The following EDA variants were observed in gnomAD, a reference collection of about 807,000 sequenced individuals.
EDA encodes ectodysplasin-A.
EDA carries 2 observed loss-of-function variants against 23.6 expected under a neutral mutation model. That is an observed-to-expected ratio of 0.08 (90% CI 0.03 to 0.27). The LOEUF (loss-of-function observed/expected upper bound fraction) is 0.27, where lower values mean the gene tolerates loss of function less well. EDA is among the 10% of genes least tolerant of loss of function. The pLI is 1.00. For synonymous variants in EDA, 131 were observed against 132.0 expected, an observed-to-expected ratio of 0.99 and a Z score of 0.05; for missense variants, 229 against 324.2, an observed-to-expected ratio of 0.71 and a Z score of 2.26.
intron 2 of EDA, among the ~76,000 whole-genome samples, chrX:69,997,213 A>T (rs927745661): frequency 8.9e-6 from 1 of 112,344 alleles, no homozygotes; most frequent in African/African-American, 3.2e-5. Flanking sequence ...GTTTTGACAA[A>T]AATGCTGATA....
At chrX:69,976,815 G>C (rs1350040757) in intron 2 of EDA, among the ~76,000 whole-genome samples, 1 of 111,166 alleles carries the variant, frequency 9.0e-6, no homozygotes, top group Non-Finnish European at 1.9e-5. Context: ...TTATGTGCTA[G>C]ATCTTGAAAC....
chrX:69,922,215 C>T (rs941322200), intron 1 of EDA, among the ~76,000 whole-genome samples: 7 of 112,375 alleles, frequency 6.2e-5, no homozygotes, highest in African/African-American at 2.3e-4. Context: ...TATTAAGTGA[C>T]ATCTTGGTTG....
intron 1 of EDA, among the ~76,000 whole-genome samples, chrX:69,853,086 C>T (rs921892224): frequency 2.2e-4 from 25 of 111,424 alleles, no homozygotes; most frequent in African/African-American, 7.8e-4. Context: ...AAATAGCAAA[C>T]TACAGGAGCA....
chrX:69,988,657 A>C (rs1288728130), intron 2 of EDA, among the ~76,000 whole-genome samples: 1 of 111,554 alleles, frequency 9.0e-6, no homozygotes, highest in East Asian at 2.8e-4. Context: ...GGGATTCGAG[A>C]CCAGCCTGGC....
At chrX:70,010,141 T>C (rs770475538) in intron 2 of EDA, among the ~76,000 whole-genome samples, 30 of 111,976 alleles carry the variant, frequency 2.7e-4, no homozygotes, top group Admixed American at 2.8e-4. Flanking sequence ...TGATTGATGG[T>C]ACTATTCAGC....
At chrX:69,674,668 C>A (rs1487236916) in intron 1 of EDA, among the ~76,000 whole-genome samples, 1 of 111,715 alleles carries the variant, frequency 9.0e-6, no homozygotes, top group Non-Finnish European at 1.9e-5. Context: ...GAATTGAATA[C>A]CTTTTGCCTT....
intron 1 of EDA, among the ~76,000 whole-genome samples, chrX:69,845,385 C>T (rs933144148): frequency 1.8e-5 from 2 of 111,813 alleles, no homozygotes; most frequent in African/African-American, 6.5e-5. Context: ...AGTTATTCTT[C>T]TCTTTGACAT....
At chrX:69,734,518 G>T (rs1239421165) in intron 1 of EDA, among the ~76,000 whole-genome samples, 10 of 111,498 alleles carry the variant, frequency 9.0e-5, no homozygotes, top group Non-Finnish European at 1.9e-5. Flanking sequence ...CAGTAGGGAG[G>T]TTAGATGACT....
At chrX:69,960,809 G>A (rs1286438020) in intron 2 of EDA, among the ~76,000 whole-genome samples, 2 of 108,087 alleles carry the variant, frequency 1.9e-5, no homozygotes, top group African/African-American at 3.4e-5. Context: ...GCAGAAGTTC[G>A]TGACCAGCCT....
rs186773714 is a variant in EDA, at chrX:70,009,441, C to T, written c.503-13777C>T. On this transcript the variant is annotated intron_variant, in intron 2 of 7. Coordinates refer to ENST00000374552, the MANE Select transcript of EDA (RefSeq NM_001399.5). ...CCTCTCAGCACTGCTTTTGCTCCATCCCACAAATTTTGATAGGTTTCATTT... is the reference window on the plus strand; with the variant it reads ...CCTCTCAGCACTGCTTTTGCTCCATTCCACAAATTTTGATAGGTTTCATTT... Among the ~76,000 whole-genome samples, 392 of 112,058 alleles carry T rather than the reference C, an allele frequency of 3.5e-3. 2 individuals carry two copies. Among genetic ancestry groups the T allele is most frequent in the Middle Eastern group, 4.6e-3 (1 of 218 alleles).
chrX:69,688,994 T>C (rs1395309820), intron 1 of EDA, among the ~76,000 whole-genome samples: 1 of 111,791 alleles, frequency 8.9e-6, no homozygotes, highest in Non-Finnish European at 1.9e-5. Flanking sequence ...CCCAGCACCA[T>C]TTGTTGAAGA....
intron 1 of EDA, among the ~76,000 whole-genome samples, chrX:69,796,751 G>GA (rs2015554116): frequency 9.0e-6 from 1 of 111,317 alleles, no homozygotes; most frequent in Non-Finnish European, 1.9e-5. Context: ...TGAAATCTCA[G>GA]AAAAAACATT....
At chrX:69,788,000 C>T (rs1409811300) in intron 1 of EDA, among the ~76,000 whole-genome samples, 2 of 111,207 alleles carry the variant, frequency 1.8e-5, no homozygotes, top group Non-Finnish European at 3.8e-5. Context: ...TCTTTTTATT[C>T]TTTTTTCTCT....
chrX:69,966,941 A>G (rs1480686709), intron 2 of EDA, among the ~76,000 whole-genome samples: 1 of 109,310 alleles, frequency 9.1e-6, no homozygotes, highest in Non-Finnish European at 1.9e-5. Context: ...AAACATATAT[A>G]AAATATTTTA....
At chrX:69,641,249 A>C (rs1391678218) in intron 1 of EDA, among the ~76,000 whole-genome samples, 1 of 112,094 alleles carries the variant, frequency 8.9e-6, no homozygotes, top group Non-Finnish European at 1.9e-5. Context: ...AAAATTTTCT[A>C]AATTATATGC....
At chrX:69,761,936 T>A (rs139214101) in intron 1 of EDA, among the ~76,000 whole-genome samples, 351 of 111,249 alleles carry the variant, frequency 3.2e-3, no homozygotes, top group Middle Eastern at 9.4e-3. Context: ...AGTCCTCTTA[T>A]GAGAACTCTA....
intron 1 of EDA, chrX:69,672,514 C>T (rs1933933174): frequency 9.0e-6 from 1 of 111,268 alleles, no homozygotes; most frequent in South Asian, 3.8e-4. Context: ...AGCCTGATCT[C>T]GTCTGATCTT....
chrX:69,690,799 T>A (rs1296917079), intron 1 of EDA, among the ~76,000 whole-genome samples: 8 of 112,048 alleles, frequency 7.1e-5, no homozygotes, highest in Non-Finnish European at 1.5e-4. Context: ...TATTACAAAT[T>A]CAATCACTTG....
chrX:69,887,389 A>G (rs1467449678), intron 1 of EDA, among the ~76,000 whole-genome samples: 1 of 112,230 alleles, frequency 8.9e-6, no homozygotes, highest in Non-Finnish European at 1.9e-5. Flanking sequence ...GGAATCATTT[A>G]AAAAGAACTA....
Sources: gnomAD v4.1 joint callset for allele counts (sites outside exome capture counted in the v4.1 genomes callset) on GRCh38, gnomAD v4.1.1 for gene constraint, MANE v1.5 for transcripts, NCBI Gene and HGNC (gene_info 2026-07-23, HGNC 2026-07-21) for gene names.